Variants in KIF5C observed in about 807,000 individuals in gnomAD.
KIF5C encodes kinesin heavy chain isoform 5C.
Under a neutral mutation model 125.2 loss-of-function variants are expected in KIF5C, and 18 were observed. The observed-to-expected ratio is 0.14, with a 90% confidence interval of 0.10 to 0.21. KIF5C has a LOEUF of 0.21. Among genes scored for constraint, KIF5C ranks in the 10% least tolerant of loss-of-function variants. The pLI is 1.00. For synonymous variants in KIF5C, 405 were observed against 434.0 expected (o/e 0.93, Z 0.83); for missense variants, 780 against 1,183.8 (o/e 0.66, Z 5.01).
chr2:149,005,554 C>T (rs972251964), intron 22 of KIF5C, 90 bp downstream of exon 22: 30 of 1,543,202 alleles, frequency 1.9e-5, no homozygotes, highest in Admixed American at 9.7e-5. Context: ...TTGCTTAAGT[C>T]GGGGCTGGTT....
Position 148,919,889 on chromosome 2 carries a change from TTCTTAG to T in KIF5C, c.127-2246_127-2241del, listed in dbSNP as rs1242338214. 5.9e-5 allele frequency among the ~76,000 whole-genome samples: 9 copies of T among 152,348 alleles called. No homozygotes were observed. The East Asian group carries it at 1.7e-3, about 29-fold the overall frequency. ...CAAATCACTTTCTAAATTTTATCTT[TTCTTAG>T]TATCAATCATAATGACTTGAAGGCA... On this transcript the variant is annotated intron_variant, in intron 1 of 25. Coordinates refer to ENST00000435030, the MANE Select transcript of KIF5C (RefSeq NM_004522.3).
At chr2:148,879,389 T>A (rs375827899) in intron 1 of KIF5C, 16 of 152,290 alleles carry the variant, frequency 1.1e-4, no homozygotes, top group South Asian at 4.1e-4. Flanking sequence ...TGGGGAGTAG[T>A]TAAAAAATAA....
Position 148,875,592 on chromosome 2 carries a change from GT to G in KIF5C, c.-25del. The G allele has an allele frequency of 1.1e-4, 25 of 236,004 alleles. No individual in the cohort carries two copies. The highest frequency in any genetic ancestry group is 2.7e-4 in the South Asian group (7 of 25,484). The allele number at this position is 236,004 out of a possible 1,614,324, so 14.6% of individuals were successfully genotyped here. A position where few individuals can be genotyped will look rare whatever the true frequency, so the allele number is the denominator to read the frequency against. On this transcript the variant is annotated 5_prime_UTR_variant, in exon 1 of 26. Transcript: ENST00000435030. ...CGGCCCCGGCCCCCCACCCATCCCC[GT>G]GCCCCCTCCCTACCGCCGGCCGAGA... is the stretch of plus-strand genomic sequence containing the variant.
intron 1 of KIF5C, among the ~76,000 whole-genome samples, chr2:148,918,425 T>G (rs1370081046): frequency 6.6e-6 from 1 of 152,208 alleles, no homozygotes; most frequent in Non-Finnish European, 1.5e-5. Context: ...TGATTGATAA[T>G]TAGTCACATA....
At position 148,998,075 on chromosome 2, in the gene KIF5C, G is replaced by T. The variant is rs549398341; in HGVS notation, c.2101-325G>T. On this transcript the variant is annotated intron_variant, in intron 18 of 25. Coordinates refer to ENST00000435030, the MANE Select transcript of KIF5C (RefSeq NM_004522.3). ...GGTTACAGGCTTATCTGGAGGTTAC[G>T]TGGATAGGGAGAGGTTGGTGCCCTC... 8.6e-6 allele frequency: 3 copies of T among 348,760 alleles called. No individual in the cohort carries two copies. In the South Asian group the frequency reaches 9.8e-5, roughly 11 times the overall value. 21.6% of individuals were successfully genotyped at this position (348,760 alleles called of 1,614,324 possible).
At chr2:149,005,817 G>T (rs10198118) in intron 22 of KIF5C, among the ~76,000 whole-genome samples, 2 of 152,198 alleles carry the variant, frequency 1.3e-5, no homozygotes, top group East Asian at 3.8e-4. Context: ...TGGAGAAGTC[G>T]GACAGAGAGA....
intron 1 of KIF5C, among the ~76,000 whole-genome samples, chr2:148,903,036 G>C (rs920269417): frequency 6.6e-6 from 1 of 152,090 alleles, no homozygotes; most frequent in African/African-American, 2.4e-5. Flanking sequence ...CCCTTGAGCT[G>C]TACTTGGGCT....
chr2:148,960,467 G>A lies in KIF5C; in HGVS notation c.969-1504G>A, dbSNP rs141810783. ...GCCTGAGGATGTCAGGAGGAGAGGT[G>A]AGAGTGTCAAACAGGACCAGACTTT... is the stretch of plus-strand genomic sequence containing the variant. On this transcript the variant is annotated intron_variant, in intron 10 of 25. Transcript: ENST00000435030. 8.5e-5 allele frequency among the ~76,000 whole-genome samples: 13 copies of A among 152,322 alleles called. No individual in the cohort carries two copies. The East Asian group carries it at 2.5e-3, about 29-fold the overall frequency.
At position 149,017,348 on chromosome 2, in the gene KIF5C, G is replaced by A. The variant is rs377342852; in HGVS notation, c.*7+5665G>A. 1.1e-4 allele frequency among the ~76,000 whole-genome samples: 16 copies of A among 152,270 alleles called. No individual in the cohort carries two copies. The East Asian group carries it at 1.5e-3, about 15-fold the overall frequency. On this transcript the variant is annotated intron_variant, in intron 25 of 25. Transcript: ENST00000435030. ...GCTTGTTTTCTCGTGCAGGCAAGAA[G>A]CCAGATGATCAGCTGAGAGAGAGGG... is the stretch of plus-strand genomic sequence containing the variant.
chr2:149,009,558 G>C (rs1280901280), intron 23 of KIF5C, among the ~76,000 whole-genome samples: 2 of 152,112 alleles, frequency 1.3e-5, no homozygotes, highest in Admixed American at 1.3e-4. Flanking sequence ...GCTGGCCCTT[G>C]AGCCCACTCC....
At chr2:148,970,440 A>C (rs1430788502) in intron 11 of KIF5C, among the ~76,000 whole-genome samples, 1 of 152,250 alleles carries the variant, frequency 6.6e-6, no homozygotes, top group Non-Finnish European at 1.5e-5. Flanking sequence ...CCCTGTGATA[A>C]AGGCATTGTT....
At chr2:149,005,182 C>G (rs1474473874) in intron 21 of KIF5C, among the ~76,000 whole-genome samples, 3 of 151,914 alleles carry the variant, frequency 2.0e-5, no homozygotes, top group African/African-American at 7.3e-5. Flanking sequence ...AATTTGTGGT[C>G]TGGGTTCTCA....
intron 1 of KIF5C, among the ~76,000 whole-genome samples, chr2:148,914,632 A>C (rs986988207): frequency 1.6e-4 from 24 of 152,246 alleles, no homozygotes; most frequent in African/African-American, 5.5e-4. Context: ...TGGCAACTCC[A>C]TTAGAAGCCA....
intron 7 of KIF5C, among the ~76,000 whole-genome samples, chr2:148,946,487 G>C (rs1682522229): frequency 6.6e-6 from 1 of 152,160 alleles, no homozygotes; most frequent in Non-Finnish European, 1.5e-5. Flanking sequence ...ATAAGGCAAG[G>C]CTTATGCACA....
intron 15 of KIF5C, among the ~76,000 whole-genome samples, chr2:148,990,521 G>C (rs780518625): frequency 6.6e-6 from 1 of 152,096 alleles, no homozygotes; most frequent in Non-Finnish European, 1.5e-5. Context: ...TTCAATCCTT[G>C]TTTATAGAAA....
intron 1 of KIF5C, among the ~76,000 whole-genome samples, chr2:148,907,249 C>T (rs1349256141): frequency 6.6e-6 from 1 of 152,168 alleles, no homozygotes; most frequent in East Asian, 1.9e-4. Context: ...GCTGACTGGC[C>T]ATGTGGGGGG....
At chr2:149,021,393 GTGT>G (rs1188821350) in intron 25 of KIF5C, among the ~76,000 whole-genome samples, 2 of 151,478 alleles carry the variant, frequency 1.3e-5, no homozygotes, top group Admixed American at 1.3e-4. Context: ...TAAAAAGAAT[GTGT>G]TGTTCTGTTT....
intron 4 of KIF5C, among the ~76,000 whole-genome samples, chr2:148,940,411 C>A (rs1427406230): frequency 6.6e-6 from 1 of 152,162 alleles, no homozygotes; most frequent in African/African-American, 2.4e-5. Context: ...GCAGTGGATT[C>A]CAGGGCTCAA....
At chr2:148,928,387 G>A (rs933581689) in intron 2 of KIF5C, among the ~76,000 whole-genome samples, 1 of 152,142 alleles carries the variant, frequency 6.6e-6, no homozygotes, top group African/African-American at 2.4e-5. Context: ...GGATATTAAT[G>A]ATGCATTGTT....
Sources: allele counts gnomAD v4.1 joint callset (sites outside exome capture counted in the v4.1 genomes callset), GRCh38; gene constraint gnomAD v4.1.1; transcripts MANE v1.5; gene names NCBI Gene and HGNC (gene_info 2026-07-23, HGNC 2026-07-21).